Variants in FIGN observed in about 807,000 individuals in gnomAD.
FIGN encodes fidgetin.
In FIGN, 11 loss-of-function variants were observed where a neutral mutation model predicts 51.3. That is an observed-to-expected ratio of 0.21 (90% CI 0.13 to 0.35). FIGN has a LOEUF of 0.35. FIGN is among the 10% of genes least tolerant of loss of function. The probability of loss-of-function intolerance (pLI) is 1.00; values close to 1 mark genes in which losing one functional copy is unlikely to be tolerated. For missense variants in FIGN, 857 were observed against 943.6 expected (o/e 0.91, Z 1.20); for synonymous variants, 407 against 363.2 (o/e 1.12, Z -1.37).
At chr2:163,664,661 T>G (rs1003516046) in intron 2 of FIGN, among the ~76,000 whole-genome samples, 1 of 152,220 alleles carries the variant, frequency 6.6e-6, no homozygotes, top group East Asian at 1.9e-4. Context: ...CTCAGGTTCA[T>G]GAAACAGCGC....
At chr2:163,664,170 G>C (rs1271189736) in intron 2 of FIGN, among the ~76,000 whole-genome samples, 1 of 152,088 alleles carries the variant, frequency 6.6e-6, no homozygotes, top group East Asian at 1.9e-4. Context: ...TAAAGGAATG[G>C]ATCCCCAGGA....
At chr2:163,682,942 G>A (rs1335756207) in intron 2 of FIGN, among the ~76,000 whole-genome samples, 1 of 152,120 alleles carries the variant, frequency 6.6e-6, no homozygotes, top group Admixed American at 6.6e-5. Context: ...GAGAGGATTA[G>A]CCACCAGGGG....
In FIGN at chr2:163,604,165, T is replaced by G. The variant is rs1001689813; in HGVS notation, c.*5387A>C. 1 of 152,244 alleles carries G rather than the reference T, an allele frequency of 6.6e-6. No individual in the cohort carries two copies. The highest frequency in any genetic ancestry group is 1.5e-5 in the Non-Finnish European group (1 of 67,960). The allele number at this position is 152,244 out of a possible 1,614,324, so 9.4% of individuals were successfully genotyped here. On this transcript the variant is annotated 3_prime_UTR_variant, in exon 3 of 3. Coordinates refer to ENST00000333129, the MANE Select transcript of FIGN (RefSeq NM_018086.4). The stretch of plus-strand genomic sequence containing the variant: ...CATTTTCAATCACTGAAGACTATAG[T>G]TGAAAATAGTTAAGTACCATTATTT...
chr2:163,654,463 A>G (rs939479195), intron 2 of FIGN, among the ~76,000 whole-genome samples: 3 of 152,248 alleles, frequency 2.0e-5, no homozygotes, highest in East Asian at 1.9e-4. Context: ...AAGACCATCA[A>G]TGCTGGACCC....
intron 2 of FIGN, among the ~76,000 whole-genome samples, chr2:163,612,749 CATATATAT>C (rs10592741): frequency 7.2e-6 from 1 of 139,226 alleles, no homozygotes; most frequent in Non-Finnish European, 1.5e-5. Flanking sequence ...TATACATCTT[CATATATAT>C]ATATATATAT....
intron 2 of FIGN, among the ~76,000 whole-genome samples, chr2:163,686,567 C>T (rs1313260567): frequency 6.6e-6 from 1 of 152,056 alleles, no homozygotes; most frequent in African/African-American, 2.4e-5. Context: ...TAGATTATCA[C>T]ATTACACATA....
chr2:163,702,463 TA>T (rs1234904026), intron 2 of FIGN, among the ~76,000 whole-genome samples: 2 of 152,138 alleles, frequency 1.3e-5, no homozygotes, highest in African/African-American at 4.8e-5. Flanking sequence ...CCACCATTTA[TA>T]ACATTGTGAA....
chr2:163,620,853 G>GTGTGTGTGTGTT, intron 2 of FIGN, among the ~76,000 whole-genome samples: 1 of 97,510 alleles, frequency 1.0e-5, no homozygotes, highest in East Asian at 2.0e-4. Context: ...GTAAATATTT[G>GTGTGTGTGTGTT]TGTGTGTGTG....
chr2:163,701,057 G>A (rs1435131392), intron 2 of FIGN, among the ~76,000 whole-genome samples: 1 of 151,924 alleles, frequency 6.6e-6, no homozygotes, highest in African/African-American at 2.4e-5. Flanking sequence ...AGATACACAT[G>A]CATTTAAGGG....
At position 163,609,511 on chromosome 2, in the gene FIGN, T is replaced by A; in HGVS notation, c.*41A>T. The A allele has an allele frequency of 6.5e-7, 1 of 1,534,910 alleles. No individual in the cohort carries two copies. Among genetic ancestry groups the A allele is most frequent in the Non-Finnish European group, 8.8e-7 (1 of 1,134,450 alleles). On this transcript the variant is annotated 3_prime_UTR_variant, in exon 3 of 3. Coordinates refer to ENST00000333129, the MANE Select transcript of FIGN (RefSeq NM_018086.4). ...CCCTATGTAGCAGGTTTTATGTGTG[T>A]GTGCCAACATTCATTACATTTTTTT...
intron 2 of FIGN, among the ~76,000 whole-genome samples, chr2:163,633,430 C>T (rs1271562137): frequency 6.6e-6 from 1 of 152,166 alleles, no homozygotes; most frequent in African/African-American, 2.4e-5. Context: ...GATTAAGTAA[C>T]TTGGCCAAGT....
chr2:163,690,343 TA>T (rs1281908623), intron 2 of FIGN, among the ~76,000 whole-genome samples: 1 of 152,074 alleles, frequency 6.6e-6, no homozygotes, highest in East Asian at 1.9e-4. Flanking sequence ...AAAAATCAAA[TA>T]AAGTATCGGT....
intron 2 of FIGN, among the ~76,000 whole-genome samples, chr2:163,697,656 C>A (rs1254901377): frequency 6.6e-6 from 1 of 152,132 alleles, no homozygotes; most frequent in African/African-American, 2.4e-5. Context: ...AGGTCAAGAG[C>A]CTTTGAAATC....
intron 2 of FIGN, among the ~76,000 whole-genome samples, chr2:163,663,974 G>A (rs1360749284): frequency 6.6e-6 from 1 of 152,090 alleles, no homozygotes; most frequent in African/African-American, 2.4e-5. Context: ...ATAGTTTAAA[G>A]ACTAAACACA....
intron 2 of FIGN, among the ~76,000 whole-genome samples, chr2:163,639,482 G>A (rs1393724586): frequency 2.6e-5 from 4 of 152,012 alleles, no homozygotes; most frequent in African/African-American, 4.8e-5. Context: ...GATTTTTACA[G>A]GGGAAAAAAA....
chr2:163,668,889 A>C (rs909132770), intron 2 of FIGN, among the ~76,000 whole-genome samples: 1 of 151,616 alleles, frequency 6.6e-6, no homozygotes, highest in African/African-American at 2.4e-5. Context: ...TGCAGTGAGC[A>C]GAGATCGTGC....
chr2:163,684,437 A>G (rs1484745764), intron 2 of FIGN, among the ~76,000 whole-genome samples: 1 of 152,200 alleles, frequency 6.6e-6, no homozygotes. Context: ...ATCATAACAG[A>G]TAGTCTAATT....
chr2:163,629,293 A>G (rs1267128655), intron 2 of FIGN, among the ~76,000 whole-genome samples: 1 of 152,234 alleles, frequency 6.6e-6, no homozygotes, highest in African/African-American at 2.4e-5. Flanking sequence ...ATTGTAGCAC[A>G]TACATCAGAG....
Position 163,611,738 on chromosome 2 carries a change from T to C in FIGN, c.94A>G (p.Thr32Ala), listed in dbSNP as rs1261351047. 6.2e-7 allele frequency: 1 copy of C among 1,613,936 alleles called. No homozygotes were observed. Among genetic ancestry groups the C allele is most frequent in the Non-Finnish European group, 8.5e-7 (1 of 1,179,978 alleles). ...PEQHFDITST[T>A]RSPAHKVEAY... ...TCAACTTTGTGGGCAGGAGACCGAG[T>C]GGTTGAGGTGATGTCAAAGTGCTGT... The change falls in exon 3 of 3, where the codon ACT becomes GCT. Residue 32 changes from threonine to alanine, a missense_variant. Coordinates refer to ENST00000333129, the MANE Select transcript of FIGN (RefSeq NM_018086.4).
Sources: allele counts gnomAD v4.1 joint callset (sites outside exome capture counted in the v4.1 genomes callset), GRCh38; gene constraint gnomAD v4.1.1; transcripts MANE v1.5; gene names NCBI Gene and HGNC (gene_info 2026-07-23, HGNC 2026-07-21).